The following PINLYP variants were observed in gnomAD, a reference collection of about 807,000 sequenced individuals.
The protein encoded by PINLYP is phospholipase A2 inhibitor and Ly6/PLAUR domain-containing protein.
PINLYP carries 12 observed loss-of-function variants against 15.8 expected under a neutral mutation model. The ratio of observed to expected loss-of-function variants is 0.76; its 90% CI spans 0.49 to 1.23. PINLYP has a LOEUF of 1.23. PINLYP is among the 50% of genes most tolerant of loss of function. The pLI is 0.00. For synonymous variants in PINLYP, 93 were observed against 97.7 expected (o/e 0.95, Z 0.28); for missense variants, 278 against 264.2 (o/e 1.05, Z -0.36).
chr19:43,580,711 A>G, intron 3 of PINLYP: 1 of 982,556 alleles, frequency 1.0e-6, no homozygotes, highest in Non-Finnish European at 1.2e-6. Flanking sequence ...AAGGCCGACT[A>G]GGGGCTATGG....
chr19:43,577,174 A>G lies in PINLYP; in HGVS notation c.-18A>G, dbSNP rs1023113693. 7.8e-6 allele frequency: 12 copies of G among 1,535,910 alleles called. No homozygotes were observed. The Admixed American group carries it at 1.8e-4, about 23-fold the overall frequency. On this transcript the variant is annotated 5_prime_UTR_variant, in exon 2 of 6. Coordinates refer to ENST00000599207, the Ensembl canonical transcript of PINLYP. ...TTCCTATAAAAGCTGGGGACCAGGT[A>G]CTGCTGATACACACACCATGAGGCT...
intron 2 of PINLYP, among the ~76,000 whole-genome samples, chr19:43,577,668 C>T (rs1466964362): frequency 2.0e-5 from 3 of 151,462 alleles, no homozygotes; most frequent in Non-Finnish European, 4.4e-5. Flanking sequence ...TTTAAGAGGC[C>T]GAGGCAGGTG....
exon 1 of PINLYP, chr19:43,576,891 A>G: frequency 2.9e-6 from 1 of 350,816 alleles, no homozygotes. Context: ...CTTCAAGCAA[A>G]CAAACAAACA....
At chr19:43,581,499 G>A in intron 4 of PINLYP, 64 bp from the exon 5 acceptor site, 1 of 1,509,976 alleles carries the variant, frequency 6.6e-7, no homozygotes. Context: ...TCCCGGGGTT[G>A]TTGGGAGGTT....
At chr19:43,577,353 C>G in intron 2 of PINLYP, 92 bp downstream of exon 2, 1 of 1,240,696 alleles carries the variant, frequency 8.1e-7, no homozygotes, top group Non-Finnish European at 1.1e-6. Flanking sequence ...GAGAAAGAGC[C>G]TTCAGCAAGT....
chr19:43,576,084 T>G (rs1269666228), exon 1 of PINLYP: 1 of 152,022 alleles, frequency 6.6e-6, no homozygotes, highest in East Asian at 1.9e-4. Flanking sequence ...GTATTTTTTG[T>G]GGAGACATGG....
chr19:43,577,300 G>A (rs112027591), intron 2 of PINLYP, 39 bp downstream of exon 2: 24,652 of 1,521,484 alleles, frequency 0.016, 347 homozygotes, highest in African/African-American at 0.062. Flanking sequence ...TGGGACCTCA[G>A]GAAGAGAGAG....
chr19:43,578,781 G>A (rs1466188387), intron 3 of PINLYP, 75 bp downstream of exon 3: 4 of 1,161,176 alleles, frequency 3.4e-6, no homozygotes, highest in Non-Finnish European at 5.0e-6. Context: ...CCATGCTGAG[G>A]GGGGATCATC....
At chr19:43,579,402 C>T (rs1205007319) in intron 3 of PINLYP, among the ~76,000 whole-genome samples, 2 of 151,920 alleles carry the variant, frequency 1.3e-5, no homozygotes, top group Admixed American at 1.3e-4. Flanking sequence ...CGTGCCACCA[C>T]ACCTGGCTAA....
intron 3 of PINLYP, 177 bp downstream of exon 3, chr19:43,578,883 G>C (rs1174662419): frequency 3.5e-6 from 2 of 571,888 alleles, no homozygotes; most frequent in South Asian, 3.8e-5. Context: ...GAAATAAGTG[G>C]TGTGATAGAA....
At chr19:43,578,384 G>A (rs1038868217) in intron 2 of PINLYP, among the ~76,000 whole-genome samples, 16 of 152,034 alleles carry the variant, frequency 1.1e-4, no homozygotes, top group African/African-American at 3.6e-4. Context: ...GTCGCTTCCC[G>A]CCCCTGGAAG....
At chr19:43,581,308 T>C in exon 4 of PINLYP, 1 of 1,537,016 alleles carries the variant, frequency 6.5e-7, no homozygotes. Flanking sequence ...AAGGACCACA[T>C]GGTAACCAGC....
exon 5 of PINLYP, chr19:43,581,676 G>A (rs1436311848): frequency 5.9e-6 from 9 of 1,536,382 alleles, no homozygotes; most frequent in Middle Eastern, 3.3e-4. Flanking sequence ...AAACCACTGC[G>A]TCTCCTTATC....
intron 3 of PINLYP, chr19:43,580,592 TC>T: frequency 1.1e-6 from 1 of 942,304 alleles, no homozygotes; most frequent in South Asian, 5.1e-5. Context: ...AATAGAGTAA[TC>T]CCGGAAGGAC....
exon 2 of PINLYP, chr19:43,577,186 C>T: frequency 6.5e-7 from 1 of 1,536,122 alleles, no homozygotes; most frequent in Non-Finnish European, 8.7e-7. Context: ...TGCTGATACA[C>T]ACACCATGAG....
exon 6 of PINLYP, chr19:43,581,922 T>C: frequency 6.5e-7 from 1 of 1,536,586 alleles, no homozygotes; most frequent in Non-Finnish European, 8.7e-7. Context: ...AGTATGTGCT[T>C]TACCAAGCCT....
chr19:43,581,411 C>T, intron 4 of PINLYP, 47 bp downstream of exon 4: 1 of 1,532,780 alleles, frequency 6.5e-7, no homozygotes. Flanking sequence ...CTCCACTGAC[C>T]CTTGCTGTAG....
rs1203505469 is a variant in PINLYP, at chr19:43,577,163, G to A, written c.-29G>A. 2 of 1,535,966 alleles carry A rather than the reference G, an allele frequency of 1.3e-6. No individual in the cohort carries two copies. Among genetic ancestry groups the A allele is most frequent in the East Asian group, 2.4e-5 (1 of 40,910 alleles). ...CCCTCCTCAGCTTCCTATAAAAGCTGGGGACCAGGTACTGCTGATACACAC... is the reference window on the plus strand; with the variant it reads ...CCCTCCTCAGCTTCCTATAAAAGCTAGGGACCAGGTACTGCTGATACACAC... On this transcript the variant is annotated 5_prime_UTR_variant, in exon 2 of 6. It introduces an in-frame stop codon into an upstream open reading frame of the 5' UTR. Transcript: ENST00000599207.
chr19:43,578,286 G>A (rs955227431), intron 2 of PINLYP, among the ~76,000 whole-genome samples: 2 of 152,084 alleles, frequency 1.3e-5, no homozygotes, highest in African/African-American at 2.4e-5. Context: ...CCTCCATCAC[G>A]ACCCCTCCCT....
Sources: allele counts gnomAD v4.1 joint callset (sites outside exome capture counted in the v4.1 genomes callset), GRCh38; gene constraint gnomAD v4.1.1; transcripts MANE v1.5; gene names NCBI Gene and HGNC (gene_info 2026-07-23, HGNC 2026-07-21).